Variants in SYCE2 observed in about 807,000 individuals in gnomAD.
SYCE2 encodes synaptonemal complex central element protein 2, also known as central element synaptonemal complex 1.
A neutral mutation model predicts 27.9 loss-of-function variants in SYCE2; 3 were observed. That is an observed-to-expected ratio of 0.11 (90% CI 0.05 to 0.28). The LOEUF (loss-of-function observed/expected upper bound fraction) is 0.28. Among genes scored for constraint, SYCE2 ranks in the 10% least tolerant of loss-of-function variants. The pLI is 1.00. For synonymous variants in SYCE2, 85 were observed against 100.7 expected (o/e 0.84, Z 0.93); for missense variants, 207 against 263.5 (o/e 0.79, Z 1.48).
At chr19:12,902,728 T>C (rs909992656) in intron 3 of SYCE2, among the ~76,000 whole-genome samples, 13 of 152,150 alleles carry the variant, frequency 8.5e-5, no homozygotes, top group African/African-American at 2.7e-4. Context: ...GGTGAGAAGA[T>C]TGCTTGAGCC....
In SYCE2 at chr19:12,905,547, G is replaced by A. The variant is rs374256687; in HGVS notation, c.132-881C>T. Among the ~76,000 whole-genome samples, 969 of 152,250 alleles carry A rather than the reference G, an allele frequency of 6.4e-3. 4 individuals are homozygous for A. Among genetic ancestry groups the A allele is most frequent in the South Asian group, 0.026 (123 of 4,822 alleles). On this transcript the variant is annotated intron_variant, in intron 2 of 5. Transcript: ENST00000293695. ...GGGGTTTCACCGTGTTAGCCAGGATGGTCTCCATCTCCTGACCTCGTGATC... is the reference window on the plus strand; with the variant it reads ...GGGGTTTCACCGTGTTAGCCAGGATAGTCTCCATCTCCTGACCTCGTGATC...
At chr19:12,908,223 T>A (rs1223616839) in intron 2 of SYCE2, among the ~76,000 whole-genome samples, 1 of 150,742 alleles carries the variant, frequency 6.6e-6, no homozygotes, top group Non-Finnish European at 1.5e-5. Context: ...CACCTCCCTC[T>A]TTCCTCCCCA....
chr19:12,915,408 G>A (rs560990996), intron 2 of SYCE2, among the ~76,000 whole-genome samples: 1 of 151,014 alleles, frequency 6.6e-6, no homozygotes, highest in Non-Finnish European at 1.5e-5. Context: ...AGACCATCCT[G>A]GCTAACACGG....
chr19:12,899,395 C>T lies in SYCE2; in HGVS notation c.613-10G>A, dbSNP rs748930169. 3 of 1,613,956 alleles carry T rather than the reference C, an allele frequency of 1.9e-6. No homozygotes were observed. Among genetic ancestry groups the T allele is most frequent in the Admixed American group, 3.3e-5 (2 of 59,978 alleles). On this transcript the variant is annotated splice_polypyrimidine_tract_variant and intron_variant, in intron 5 of 5. Coordinates refer to ENST00000293695, the MANE Select transcript of SYCE2 (RefSeq NM_001105578.2). ...CTTCTGAAGCAGTGGCCTGGGGATACATGAAAATTGATTTTAAAGGGAAGT... is the reference window on the plus strand; with the variant it reads ...CTTCTGAAGCAGTGGCCTGGGGATATATGAAAATTGATTTTAAAGGGAAGT...
chr19:12,915,967 G>A (rs1164807218), intron 2 of SYCE2, among the ~76,000 whole-genome samples: 1 of 152,056 alleles, frequency 6.6e-6, no homozygotes, highest in Non-Finnish European at 1.5e-5. Context: ...TCTCTTCCCT[G>A]TTGGTGTTTG....
chr19:12,902,901 T>G (rs1335165611), intron 3 of SYCE2, among the ~76,000 whole-genome samples: 1 of 150,300 alleles, frequency 6.7e-6, no homozygotes, highest in Non-Finnish European at 1.5e-5. Context: ...CATTATGTAT[T>G]TTGTTTGTTT....
At chr19:12,904,356 A>C (rs1970895547) in intron 3 of SYCE2, 136 bp downstream of exon 3, 1 of 1,020,194 alleles carries the variant, frequency 9.8e-7, no homozygotes, top group Admixed American at 2.2e-5. Context: ...ACGTAGCCCC[A>C]TCATAAGTGG....
chr19:12,918,149 C>T (rs1173107936), intron 2 of SYCE2, 73 bp downstream of exon 2: 1 of 1,303,812 alleles, frequency 7.7e-7, no homozygotes, highest in Non-Finnish European at 1.1e-6. Context: ...CTGGCATAGC[C>T]TTGTGGAAGA....
In SYCE2 at chr19:12,900,001, C is replaced by T. The variant is rs1402114116; in HGVS notation, c.612+3G>A. 6.2e-7 allele frequency: 1 copy of T among 1,613,000 alleles called. No individual in the cohort carries two copies. The highest frequency in any genetic ancestry group is 8.5e-7 in the Non-Finnish European group (1 of 1,179,970). On this transcript the variant is annotated splice_donor_region_variant and intron_variant, in intron 5 of 5. Transcript: ENST00000293695. Reference sequence around the variant, plus strand: ...GGTGTCAGGCCGGTTTACTGGTAACCACCTGAGAAGTAGTTTCAGCCACAG... The same window carrying T: ...GGTGTCAGGCCGGTTTACTGGTAACTACCTGAGAAGTAGTTTCAGCCACAG...
intron 2 of SYCE2, among the ~76,000 whole-genome samples, chr19:12,909,531 C>T (rs1037549141): frequency 6.6e-5 from 10 of 152,038 alleles, no homozygotes; most frequent in African/African-American, 2.2e-4. Flanking sequence ...TCAAAATCCC[C>T]TCATTTCTAC....
chr19:12,905,599 G>A (rs1453447465), intron 2 of SYCE2, among the ~76,000 whole-genome samples: 1 of 151,888 alleles, frequency 6.6e-6, no homozygotes, highest in Non-Finnish European at 1.5e-5. Context: ...CCAAACTGCT[G>A]GGATTACAGG....
chr19:12,908,356 G>A (rs1240843335), intron 2 of SYCE2, among the ~76,000 whole-genome samples: 5 of 144,012 alleles, frequency 3.5e-5, no homozygotes, highest in South Asian at 2.2e-4. Context: ...ACAGAGTCTC[G>A]CTCTGTCACC....
intron 2 of SYCE2, among the ~76,000 whole-genome samples, chr19:12,913,342 C>T (rs1477299509): frequency 4.6e-5 from 7 of 152,326 alleles, no homozygotes; most frequent in Admixed American, 2.6e-4. Flanking sequence ...GATTGGCAGG[C>T]GACTGAGCCA....
chr19:12,899,213 G>A lies in SYCE2; in HGVS notation c.*128C>T, dbSNP rs1366954269. ...TGGGAGTTCAGCACAAGGAGCTTTG[G>A]GTTTTTGTTTTTTTCTGCCAAGATG... On this transcript the variant is annotated 3_prime_UTR_variant, in exon 6 of 6. Transcript: ENST00000293695. 1.8e-5 allele frequency: 15 copies of A among 845,208 alleles called. No homozygotes were observed. The highest frequency in any genetic ancestry group is 2.7e-5 in the Non-Finnish European group (14 of 520,472). 52.4% of individuals were successfully genotyped at this position (845,208 alleles called of 1,614,324 possible).
chr19:12,905,521 C>T (rs1216703695), intron 2 of SYCE2, among the ~76,000 whole-genome samples: 6 of 152,138 alleles, frequency 3.9e-5, no homozygotes, highest in Non-Finnish European at 5.9e-5. Context: ...TTAGTAGAGA[C>T]GGGGTTTCAC....
At chr19:12,899,881 GCCCT>G (rs1970796247) in intron 5 of SYCE2, 119 bp downstream of exon 5, 30 of 1,588,782 alleles carry the variant, frequency 1.9e-5, no homozygotes, top group East Asian at 2.2e-5. Flanking sequence ...TTCACAGTGC[GCCCT>G]CCCTCCCTCC....
At chr19:12,917,658 G>GTTTTTTTT (rs1568440332) in intron 2 of SYCE2, among the ~76,000 whole-genome samples, 7 of 34,000 alleles carry the variant, frequency 2.1e-4, no homozygotes, top group African/African-American at 5.8e-4. Context: ...ACCATTCCTG[G>GTTTTTTTT]CTTTTTTTTT....
chr19:12,904,850 A>G, intron 2 of SYCE2, 184 bp from the exon 3 acceptor site: 1 of 599,234 alleles, frequency 1.7e-6, no homozygotes, highest in South Asian at 2.0e-5. Flanking sequence ...ACAAAAAAAC[A>G]AAAAATTAGC....
intron 3 of SYCE2, among the ~76,000 whole-genome samples, chr19:12,903,511 C>G (rs778333158): frequency 1.3e-5 from 2 of 150,418 alleles, no homozygotes; most frequent in South Asian, 2.1e-4. Context: ...CTCATCCTCC[C>G]GAGTAGCTGG....
Sources: allele counts gnomAD v4.1 joint callset (sites outside exome capture counted in the v4.1 genomes callset), GRCh38; gene constraint gnomAD v4.1.1; transcripts MANE v1.5; gene names NCBI Gene and HGNC (gene_info 2026-07-23, HGNC 2026-07-21).